Variants in LAPTM4B observed in about 807,000 individuals in gnomAD.
LAPTM4B encodes lysosomal protein transmembrane 4 beta.
LAPTM4B carries 26 observed loss-of-function variants against 28.5 expected under a neutral mutation model. The ratio of observed to expected loss-of-function variants is 0.91; its 90% CI spans 0.67 to 1.27. The LOEUF (loss-of-function observed/expected upper bound fraction) is 1.27, where lower values mean the gene tolerates loss of function less well. LAPTM4B is among the 50% of genes most tolerant of loss of function. The pLI is 0.00. For missense variants in LAPTM4B, 288 were observed against 285.8 expected, an observed-to-expected ratio of 1.01 and a Z score of -0.06; for synonymous variants, 109 against 106.4, an observed-to-expected ratio of 1.02 and a Z score of -0.15.
chr8:97,818,408 C>T (rs943803686), intron 4 of LAPTM4B, among the ~76,000 whole-genome samples: 3 of 152,164 alleles, frequency 2.0e-5, no homozygotes, highest in Admixed American at 6.5e-5. Flanking sequence ...ATTCACTTGC[C>T]TAGGCCAGTG....
At chr8:97,819,078 C>A in intron 4 of LAPTM4B, 62 bp from the exon 5 acceptor site, 2 of 976,674 alleles carry the variant, frequency 2.0e-6, no homozygotes, top group Non-Finnish European at 3.2e-6. Context: ...TGAATTGGTG[C>A]CCAAGGAATA....
At chr8:97,825,306 T>A (rs910089923) in intron 6 of LAPTM4B, among the ~76,000 whole-genome samples, 153 bp downstream of exon 6, 3 of 152,248 alleles carry the variant, frequency 2.0e-5, no homozygotes, top group Non-Finnish European at 4.4e-5. Context: ...GTTATCAAAA[T>A]ACTCATTTAA....
chr8:97,787,423 C>G (rs1010300138), intron 1 of LAPTM4B, among the ~76,000 whole-genome samples: 3 of 151,590 alleles, frequency 2.0e-5, no homozygotes, highest in Admixed American at 2.0e-4. Context: ...GTAGCTGGGA[C>G]TACAGGCACC....
At chr8:97,780,383 C>G (rs541979669) in intron 1 of LAPTM4B, among the ~76,000 whole-genome samples, 1 of 152,068 alleles carries the variant, frequency 6.6e-6, no homozygotes, top group Admixed American at 6.6e-5. Context: ...TGAGATCGTG[C>G]GATTGCACTC....
At chr8:97,833,953 T>C (rs928964613) in intron 6 of LAPTM4B, among the ~76,000 whole-genome samples, 1 of 152,082 alleles carries the variant, frequency 6.6e-6, no homozygotes, top group African/African-American at 2.4e-5. Context: ...TTGTTCTCTT[T>C]GTCAGTTTTC....
intron 1 of LAPTM4B, among the ~76,000 whole-genome samples, chr8:97,785,920 T>A: frequency 6.6e-6 from 1 of 152,218 alleles, no homozygotes; most frequent in East Asian, 1.9e-4. Context: ...CTCAGTAACT[T>A]AGCATAAAGT....
intron 5 of LAPTM4B, among the ~76,000 whole-genome samples, chr8:97,821,133 C>T (rs1363079449): frequency 6.6e-6 from 1 of 151,738 alleles, no homozygotes; most frequent in African/African-American, 2.4e-5. Flanking sequence ...ATCAGGAGAT[C>T]GAGACCATCC....
chr8:97,800,429 A>G (rs1044949764), intron 1 of LAPTM4B, among the ~76,000 whole-genome samples: 2 of 146,328 alleles, frequency 1.4e-5, no homozygotes, highest in Admixed American at 6.9e-5. Context: ...ATATTCACTC[A>G]TTTGAACTCT....
chr8:97,797,589 A>C (rs1816610844), intron 1 of LAPTM4B, among the ~76,000 whole-genome samples: 1 of 152,120 alleles, frequency 6.6e-6, no homozygotes, highest in Non-Finnish European at 1.5e-5. Flanking sequence ...TCAAGTTTTC[A>C]CTATTATACA....
intron 6 of LAPTM4B, among the ~76,000 whole-genome samples, chr8:97,843,673 G>C (rs1817384927): frequency 6.6e-6 from 1 of 151,938 alleles, no homozygotes; most frequent in African/African-American, 2.4e-5. Context: ...CCAGCTACTT[G>C]GGAGGCCGAG....
At chr8:97,810,846 A>T (rs1031869986) in intron 2 of LAPTM4B, among the ~76,000 whole-genome samples, 4 of 152,226 alleles carry the variant, frequency 2.6e-5, no homozygotes, top group African/African-American at 9.6e-5. Flanking sequence ...ATGGCCAGAT[A>T]AGTTGTCAAG....
At position 97,851,462 on chromosome 8, in the gene LAPTM4B, C is replaced by G. The variant is rs769325522; in HGVS notation, c.669C>G (p.Tyr223Ter). ...CTGCCAAGGAGCCACCGCCACCTTA[C>G]GTGTCTGCCTAAGCCTTCAAGTGGG... ...NGAAKEPPPP[Y>*]VSA The change falls in exon 7 of 7, where the codon TAC (tyrosine) becomes TAG (stop). Residue 223 changes from tyrosine (Y) to a stop codon, truncating the protein, a stop_gained. Coordinates refer to ENST00000521545, the MANE Select transcript of LAPTM4B (RefSeq NM_018407.6). LOFTEE classifies it high-confidence loss of function. 12 of 1,613,678 alleles carry G rather than the reference C, an allele frequency of 7.4e-6. No homozygotes were observed. The South Asian group carries it at 9.9e-5, about 13-fold the overall frequency.
intron 6 of LAPTM4B, among the ~76,000 whole-genome samples, chr8:97,829,331 C>T (rs931088314): frequency 6.6e-6 from 1 of 152,096 alleles, no homozygotes; most frequent in Non-Finnish European, 1.5e-5. Context: ...AAAGATCGAG[C>T]AAGTGAGCGG....
chr8:97,806,967 G>C (rs2449524), intron 2 of LAPTM4B, among the ~76,000 whole-genome samples: 123,730 of 152,060 alleles, frequency 0.81, 54,073 homozygotes, highest in Non-Finnish European at 0.96. Flanking sequence ...TCTTCATTCT[G>C]TCTTGTCACC....
intron 1 of LAPTM4B, among the ~76,000 whole-genome samples, chr8:97,790,373 G>T (rs982293591): frequency 6.6e-6 from 1 of 150,734 alleles, no homozygotes; most frequent in South Asian, 2.1e-4. Context: ...GTACAGTGGC[G>T]TGATCCTGGC....
At chr8:97,826,312 G>A (rs1817090365) in intron 6 of LAPTM4B, among the ~76,000 whole-genome samples, 2 of 152,286 alleles carry the variant, frequency 1.3e-5, no homozygotes, top group South Asian at 4.2e-4. Flanking sequence ...GGCATACCCA[G>A]GTGCTGAGGA....
At chr8:97,818,764 T>C (rs1352665102) in intron 4 of LAPTM4B, among the ~76,000 whole-genome samples, 1 of 151,660 alleles carries the variant, frequency 6.6e-6, no homozygotes, top group Non-Finnish European at 1.5e-5. Context: ...TGCAGTGGCA[T>C]GATCTCGCTC....
In LAPTM4B at chr8:97,832,702, T is replaced by TTTTATTTTATTTTATTTTATTTTTA. The variant is rs1231746972; in HGVS notation, c.603+7552_603+7553insATTTTATTTTATTTTATTTTTATTT. On this transcript the variant is annotated intron_variant, in intron 6 of 6. Transcript: ENST00000521545. Reference sequence around the variant, plus strand: ...TTTTATTTTATTTTATTTTATTTTATTTTTATTTTATTTTATTTTTTTGAG... The same window carrying TTTTATTTTATTTTATTTTATTTTTA: ...TTTTATTTTATTTTATTTTATTTTATTTTATTTTATTTTATTTTATTTTTATTTTATTTTATTTTATTTTTTTGAG... Among the ~76,000 whole-genome samples the TTTTATTTTATTTTATTTTATTTTTA allele has an allele frequency of 9.6e-4, 65 of 68,050 alleles. 1 individual carries two copies. In the South Asian group the frequency reaches 0.036, roughly 38 times the overall value. The allele number at this position is 68,050 out of a possible 152,430, so 44.6% of individuals were successfully genotyped here.
intron 4 of LAPTM4B, among the ~76,000 whole-genome samples, chr8:97,817,399 A>G (rs1328310656): frequency 6.7e-6 from 1 of 150,298 alleles, no homozygotes; most frequent in East Asian, 2.0e-4. Flanking sequence ...TGGCCTCCCA[A>G]AGTGCTGGCA....
Sources: gnomAD v4.1 joint callset for allele counts (sites outside exome capture counted in the v4.1 genomes callset) on GRCh38, gnomAD v4.1.1 for gene constraint, MANE v1.5 for transcripts, NCBI Gene and HGNC (gene_info 2026-07-23, HGNC 2026-07-21) for gene names.